UNC80: variants seen among roughly 807,000 people sequenced by gnomAD.
UNC80 encodes the protein unc-80 subunit of NALCN channel complex.
In UNC80, 164 loss-of-function variants were observed where a neutral mutation model predicts 384.6. The ratio of observed to expected loss-of-function variants is 0.43; its 90% CI spans 0.38 to 0.49. The LOEUF is 0.49. UNC80 is among the 20% of genes least tolerant of loss of function. UNC80 has a pLI of 0.00. For synonymous variants in UNC80, 1,486 were observed against 1,527.8 expected (o/e 0.97, Z 0.64); for missense variants, 3,330 against 4,143.0 (o/e 0.80, Z 5.39).
chr2:209,985,687 C>G (rs2093272637), intron 61 of UNC80, among the ~76,000 whole-genome samples: 1 of 152,228 alleles, frequency 6.6e-6, no homozygotes, highest in Non-Finnish European at 1.5e-5. Context: ...TGATTCACAC[C>G]TCTCAACTAA....
chr2:209,983,380 A>G (rs1300767367), intron 60 of UNC80, among the ~76,000 whole-genome samples: 1 of 152,244 alleles, frequency 6.6e-6, no homozygotes, highest in Admixed American at 6.5e-5. Context: ...AATGTTTTAT[A>G]TAAGTACCAT....
In UNC80 at chr2:209,994,295, G is replaced by A. The variant is rs1309420654; in HGVS notation, c.9708+31G>A. ...GGCACTAGAGAAACAGGCAAGGCTT[G>A]CTCCCTGTGTACTTACTTCTAGCAG... On this transcript the variant is annotated intron_variant, in intron 64 of 64. Coordinates refer to ENST00000673920, the MANE Select transcript of UNC80 (RefSeq NM_001371986.1). The A allele has an allele frequency of 2.0e-6, 3 of 1,525,778 alleles. No homozygotes were observed. The East Asian group carries it at 7.4e-5, about 38-fold the overall frequency. The allele number at this position is 1,525,778 out of a possible 1,614,324, so 94.5% of individuals were successfully genotyped here.
At chr2:209,898,385 T>C (rs146459588) in intron 28 of UNC80, among the ~76,000 whole-genome samples, 188 of 152,272 alleles carry the variant, frequency 1.2e-3, no homozygotes, top group African/African-American at 4.3e-3. Context: ...AGCTGCATCA[T>C]GCAAGGTTGG....
At chr2:209,905,106 G>A (rs2088025201) in intron 29 of UNC80, 141 bp downstream of exon 29, 1 of 826,050 alleles carries the variant, frequency 1.2e-6, no homozygotes, top group Non-Finnish European at 1.9e-6. Context: ...CAGAAGAGAT[G>A]TACAAGAAAG....
chr2:209,793,633 T>C (rs1341152340), intron 6 of UNC80, 87 bp from the exon 7 acceptor site: 5 of 1,480,902 alleles, frequency 3.4e-6, no homozygotes, highest in Non-Finnish European at 3.7e-6. Flanking sequence ...CATGTTGTAA[T>C]ATGGTAGCTA....
chr2:209,978,861 A>C (rs1311598503), intron 59 of UNC80, among the ~76,000 whole-genome samples, 153 bp downstream of exon 59: 2 of 152,206 alleles, frequency 1.3e-5, no homozygotes, highest in Non-Finnish European at 2.9e-5. Context: ...TGATTCCATG[A>C]TTCCTAATGC....
chr2:209,809,608 A>G (rs970732321), intron 7 of UNC80: 11 of 690,584 alleles, frequency 1.6e-5, no homozygotes, highest in Non-Finnish European at 2.2e-5. Context: ...TCCTCTCCCT[A>G]CCAGACACCC....
chr2:209,855,194 A>G (rs756138569), intron 22 of UNC80, among the ~76,000 whole-genome samples: 4 of 152,202 alleles, frequency 2.6e-5, no homozygotes, highest in Admixed American at 6.5e-5. Flanking sequence ...CTAATGCAGG[A>G]ACAGAAAACC....
At chr2:209,885,310 G>GGGTC (rs2124902971) in intron 25 of UNC80, among the ~76,000 whole-genome samples, 1 of 152,268 alleles carries the variant, frequency 6.6e-6, no homozygotes, top group African/African-American at 2.4e-5. Context: ...AAATGTAAGA[G>GGGTC]GGTCCCTGAG....
At chr2:209,791,297 G>A (rs2077780503) in intron 6 of UNC80, among the ~76,000 whole-genome samples, 1 of 151,908 alleles carries the variant, frequency 6.6e-6, no homozygotes, top group East Asian at 1.9e-4. Flanking sequence ...GCCATCTTTT[G>A]TCATGTCGCT....
At chr2:209,900,610 G>C (rs2087289326) in intron 28 of UNC80, among the ~76,000 whole-genome samples, 1 of 152,174 alleles carries the variant, frequency 6.6e-6, no homozygotes, top group Admixed American at 6.5e-5. Flanking sequence ...AAGTGTTCAA[G>C]TGAAGGAAGA....
intron 60 of UNC80, among the ~76,000 whole-genome samples, chr2:209,984,256 G>C (rs1325913719): frequency 6.6e-6 from 1 of 152,182 alleles, no homozygotes; most frequent in Non-Finnish European, 1.5e-5. Context: ...AGGTAAATGC[G>C]AGTTCCATGT....
intron 29 of UNC80, 75 bp downstream of exon 29, chr2:209,905,040 G>T (rs1270562711): frequency 1.4e-6 from 2 of 1,467,766 alleles, no homozygotes; most frequent in Non-Finnish European, 1.9e-6. Flanking sequence ...CTGGAAATAA[G>T]AATTTTCAAG....
chr2:209,804,977 T>C (rs1277900266), intron 7 of UNC80, among the ~76,000 whole-genome samples: 1 of 152,166 alleles, frequency 6.6e-6, no homozygotes, highest in African/African-American at 2.4e-5. Context: ...CCAAAAGTTC[T>C]TTATATTTGA....
At position 209,840,687 on chromosome 2, in the gene UNC80, C is replaced by T. The variant is rs751662379; in HGVS notation, c.3357+39C>T. On this transcript the variant is annotated intron_variant, in intron 20 of 64. Coordinates refer to ENST00000673920, the MANE Select transcript of UNC80 (RefSeq NM_001371986.1). ...AACTTGTGTAAGTGACTGTTGAAGT[C>T]GCTGATACAAACATGTGAAGGCTGA... 6 of 1,498,114 alleles carry T rather than the reference C, an allele frequency of 4.0e-6. No individual in the cohort carries two copies. The African/African-American group carries it at 7.0e-5, about 17-fold the overall frequency. The allele number at this position is 1,498,114 out of a possible 1,614,324, so 92.8% of individuals were successfully genotyped here.
intron 29 of UNC80, among the ~76,000 whole-genome samples, chr2:209,907,291 CA>C (rs35210647): frequency 0.055 from 3,807 of 68,668 alleles, 43 homozygotes; most frequent in Non-Finnish European, 0.066. Flanking sequence ...CAATAATGGG[CA>C]AAAAAAAAAA....
rs545975390 is a variant in UNC80 at position 209,864,959 on chromosome 2, A to G, written c.3628-7799A>G. Among the ~76,000 whole-genome samples the G allele has an allele frequency of 1.8e-3, 277 of 152,276 alleles. 1 individual carries two copies. The highest frequency in any genetic ancestry group is 6.3e-3 in the African/African-American group (262 of 41,558). On this transcript the variant is annotated intron_variant, in intron 22 of 64. Transcript: ENST00000673920. ...CTGCGCATTCTGGGGTTGCGATGCTAGGCTCTGGTGGCGTGAGTTCGTGAG... is the reference window on the plus strand; with the variant it reads ...CTGCGCATTCTGGGGTTGCGATGCTGGGCTCTGGTGGCGTGAGTTCGTGAG...
At chr2:209,815,721 A>C (rs2079687639) in intron 9 of UNC80, among the ~76,000 whole-genome samples, 1 of 152,188 alleles carries the variant, frequency 6.6e-6, no homozygotes, top group South Asian at 2.1e-4. Context: ...GGTTCAACTC[A>C]TTTTTATCAA....
intron 22 of UNC80, among the ~76,000 whole-genome samples, chr2:209,862,289 G>C (rs913109884): frequency 2.6e-5 from 4 of 152,056 alleles, no homozygotes; most frequent in South Asian, 2.1e-4. Context: ...GGAGAAGAAT[G>C]TATGTTCTGT....
Sources: gnomAD v4.1 joint callset for allele counts (sites outside exome capture counted in the v4.1 genomes callset) on GRCh38, gnomAD v4.1.1 for gene constraint, MANE v1.5 for transcripts, NCBI Gene and HGNC (gene_info 2026-07-23, HGNC 2026-07-21) for gene names.